CDH13: variants seen among roughly 807,000 people sequenced by gnomAD.
CDH13 encodes the protein cadherin-13.
Under a neutral mutation model 63.8 loss-of-function variants are expected in CDH13, and 24 were observed. The observed-to-expected ratio is 0.38, with a 90% CI of 0.27 to 0.53. The LOEUF (loss-of-function observed/expected upper bound fraction) is 0.53. CDH13 is among the 20% of genes least tolerant of loss of function. The pLI is 0.85. For synonymous variants in CDH13, 503 were observed against 355.3 expected, an observed-to-expected ratio of 1.42 and a Z score of -4.67; for missense variants, 1,049 against 903.1, an observed-to-expected ratio of 1.16 and a Z score of -2.07.
intron 2 of CDH13, among the ~76,000 whole-genome samples, chr16:82,965,818 C>T (rs1310504888): frequency 6.6e-6 from 1 of 152,144 alleles, no homozygotes; most frequent in Non-Finnish European, 1.5e-5. Flanking sequence ...ATTTTAAAAA[C>T]CTGTTTTGGA....
chr16:83,476,440 A>G (rs1054411777), intron 6 of CDH13, among the ~76,000 whole-genome samples: 3 of 152,230 alleles, frequency 2.0e-5, no homozygotes, highest in Admixed American at 6.5e-5. Context: ...TGAGAGGCCA[A>G]GGTGGGCAGA....
At chr16:83,256,151 A>T (rs1906232730) in intron 5 of CDH13, among the ~76,000 whole-genome samples, 1 of 152,222 alleles carries the variant, frequency 6.6e-6, no homozygotes, top group Middle Eastern at 3.4e-3. Context: ...CTCCCACATT[A>T]GCCTTCCAAG....
intron 2 of CDH13, among the ~76,000 whole-genome samples, chr16:82,860,951 G>A (rs56087431): frequency 0.034 from 5,157 of 152,038 alleles, 286 homozygotes; most frequent in African/African-American, 0.11. Context: ...TTTATTTTGC[G>A]TATTTCTTAT....
At chr16:82,895,613 A>G (rs867024382) in intron 2 of CDH13, among the ~76,000 whole-genome samples, 11 of 152,086 alleles carry the variant, frequency 7.2e-5, no homozygotes, top group East Asian at 1.9e-4. Flanking sequence ...TGCATTCACC[A>G]TCATAGAAAC....
At chr16:83,695,134 G>T (rs903129270) in intron 10 of CDH13, among the ~76,000 whole-genome samples, 1 of 152,188 alleles carries the variant, frequency 6.6e-6, no homozygotes, top group African/African-American at 2.4e-5. Context: ...TTGAATCCGG[G>T]AGGTGGAGAT....
At chr16:83,228,568 G>C (rs2039912599) in intron 5 of CDH13, among the ~76,000 whole-genome samples, 1 of 152,202 alleles carries the variant, frequency 6.6e-6, no homozygotes, top group South Asian at 2.1e-4. Context: ...AAGGACATGA[G>C]GTCAAAGCAA....
intron 10 of CDH13, among the ~76,000 whole-genome samples, chr16:83,729,654 G>C (rs1910821415): frequency 2.0e-5 from 3 of 152,182 alleles, no homozygotes; most frequent in African/African-American, 7.2e-5. Context: ...TAATGGGTCA[G>C]TAATCCCACC....
Position 83,000,220 on chromosome 16 carries a change from CTTA to C in CDH13, c.158-31787_158-31785del, listed in dbSNP as rs1567731443. Among the ~76,000 whole-genome samples, 126 of 33,950 alleles carry C rather than the reference CTTA, an allele frequency of 3.7e-3. 5 individuals are homozygous for C. The highest frequency in any genetic ancestry group is 0.017 in the Middle Eastern group (1 of 58). The allele number at this position is 33,950 out of a possible 152,430, so 22.3% of individuals were successfully genotyped here. A position where few individuals can be genotyped will look rare whatever the true frequency, so the allele number is the denominator to read the frequency against. ...TCCCTAGGAATATCCACAGGTTTAG[CTTA>C]TTTTTTTTTTTTTTTTTTTTTTTTT... On this transcript the variant is annotated intron_variant, in intron 2 of 13. Transcript: ENST00000567109.
intron 1 of CDH13, among the ~76,000 whole-genome samples, chr16:82,792,337 C>G (rs1430376872): frequency 6.6e-6 from 1 of 152,126 alleles, no homozygotes; most frequent in Admixed American, 6.6e-5. Context: ...AGGTAAAAAA[C>G]ACACTAGCCT....
At chr16:83,664,554 GTA>G (rs72075419) in intron 8 of CDH13, among the ~76,000 whole-genome samples, 69 of 147,856 alleles carry the variant, frequency 4.7e-4, no homozygotes, top group Middle Eastern at 3.6e-3. Flanking sequence ...ATATATGTGT[GTA>G]TATATATATA....
intron 10 of CDH13, among the ~76,000 whole-genome samples, chr16:83,699,102 G>A (rs769728062): frequency 2.0e-5 from 3 of 152,212 alleles, no homozygotes; most frequent in Non-Finnish European, 4.4e-5. Context: ...CCTGCCCCGT[G>A]ACAAGCCCTC....
At chr16:83,644,599 C>A (rs141217126) in intron 8 of CDH13, among the ~76,000 whole-genome samples, 1 of 152,156 alleles carries the variant, frequency 6.6e-6, no homozygotes, top group African/African-American at 2.4e-5. Flanking sequence ...CCCTCAGTTA[C>A]GCTGGTTTCT....
At chr16:83,435,561 C>T (rs945216378) in intron 6 of CDH13, among the ~76,000 whole-genome samples, 1 of 152,184 alleles carries the variant, frequency 6.6e-6, no homozygotes, top group Admixed American at 6.5e-5. Flanking sequence ...CTGTAGTCCA[C>T]CCTGGTCTCC....
At chr16:82,629,794 G>A (rs1285254727) in intron 1 of CDH13, among the ~76,000 whole-genome samples, 2 of 152,214 alleles carry the variant, frequency 1.3e-5, no homozygotes, top group Non-Finnish European at 2.9e-5. Flanking sequence ...GGTGTTTTGG[G>A]AAAGTCTGTC....
intron 7 of CDH13, among the ~76,000 whole-genome samples, chr16:83,501,240 A>G (rs1469655591): frequency 6.6e-6 from 1 of 152,244 alleles, no homozygotes; most frequent in African/African-American, 2.4e-5. Flanking sequence ...TTTGTGAAGA[A>G]CAGCTATAGA....
intron 8 of CDH13, among the ~76,000 whole-genome samples, chr16:83,626,085 A>G (rs912376501): frequency 2.0e-5 from 3 of 149,832 alleles, no homozygotes; most frequent in African/African-American, 7.4e-5. Context: ...ATCACAGTTC[A>G]CTGCAGCCTC....
intron 4 of CDH13, among the ~76,000 whole-genome samples, chr16:83,176,727 T>G (rs2038139625): frequency 6.6e-6 from 1 of 152,024 alleles, no homozygotes; most frequent in Non-Finnish European, 1.5e-5. Flanking sequence ...TATATATTAT[T>G]AAAGTTTGCG....
Position 83,125,388 on chromosome 16 carries a change from A to T in CDH13, c.370A>T (p.Ile124Leu). 1 of 1,506,596 alleles carries T rather than the reference A, an allele frequency of 6.6e-7. No homozygotes were observed. The highest frequency in any genetic ancestry group is 9.2e-7 in the Non-Finnish European group (1 of 1,082,590). The allele number at this position is 1,506,596 out of a possible 1,614,324, so 93.3% of individuals were successfully genotyped here. The stretch of plus-strand genomic sequence containing the variant: ...ATCCTTTTGTTTTCCCTTTTAGGAT[A>T]TATTTAAATTTGCAAGAACTTCTCC... ...GKDIQGSLQD[I>L]FKFARTSPVP... Residue 124 changes from isoleucine to leucine, a missense_variant, in exon 4 of 14, where the codon ATA becomes TTA. By Grantham distance (5) the Ile-to-Leu change is conservative. Coordinates refer to ENST00000567109, the MANE Select transcript of CDH13 (RefSeq NM_001257.5).
intron 13 of CDH13, among the ~76,000 whole-genome samples, chr16:83,788,928 C>T (rs183995757): frequency 1.3e-5 from 2 of 152,198 alleles, no homozygotes; most frequent in Admixed American, 6.5e-5. Context: ...TTTCAGCCCC[C>T]AAAAAACAGT....
Sources: gnomAD v4.1 joint callset for allele counts (sites outside exome capture counted in the v4.1 genomes callset) on GRCh38, gnomAD v4.1.1 for gene constraint, MANE v1.5 for transcripts, NCBI Gene and HGNC (gene_info 2026-07-23, HGNC 2026-07-21) for gene names.